PCDHA3: variants seen among roughly 807,000 people sequenced by gnomAD.
PCDHA3 encodes the protein protocadherin alpha-3.
PCDHA3 carries 41 observed loss-of-function variants against 62.2 expected under a neutral mutation model. The observed-to-expected ratio is 0.66, with a 90% CI of 0.51 to 0.86. The LOEUF (loss-of-function observed/expected upper bound fraction) is 0.86, where lower values mean the gene tolerates loss of function less well. Ranked by LOEUF, PCDHA3 falls within the 40% of genes least tolerant of loss-of-function variation. The probability of loss-of-function intolerance (pLI) is 0.00; values close to 1 mark genes in which losing one functional copy is unlikely to be tolerated. For missense variants in PCDHA3, 1,304 were observed against 1,241.2 expected, an observed-to-expected ratio of 1.05 and a Z score of -0.76; for synonymous variants, 640 against 555.4, an observed-to-expected ratio of 1.15 and a Z score of -2.14.
chr5:141,000,361 G>C (rs1253295818), intron 3 of PCDHA3, among the ~76,000 whole-genome samples: 2 of 26,450 alleles, frequency 7.6e-5, no homozygotes, highest in Non-Finnish European at 1.2e-4. Context: ...GTCTCTCTCT[G>C]TCTCTCTCTC....
At chr5:140,898,015 T>C (rs376663063) in intron 1 of PCDHA3, among the ~76,000 whole-genome samples, 3 of 152,154 alleles carry the variant, frequency 2.0e-5, no homozygotes, top group Non-Finnish European at 4.4e-5. Context: ...TCATATCCTT[T>C]GCCCACTTTT....
At chr5:140,828,015 A>G (rs1769489590) in intron 1 of PCDHA3, 1 of 1,509,160 alleles carries the variant, frequency 6.6e-7, no homozygotes, top group African/African-American at 1.4e-5. Flanking sequence ...GAAATGGATT[A>G]ATAAATTCCG....
chr5:140,992,216 C>G (rs1554252754), intron 3 of PCDHA3, among the ~76,000 whole-genome samples: 1 of 152,100 alleles, frequency 6.6e-6, no homozygotes, highest in African/African-American at 2.4e-5. Flanking sequence ...AAACTACTCT[C>G]CCTTCCTGGG....
At chr5:140,897,419 A>G (rs1329501260) in intron 1 of PCDHA3, among the ~76,000 whole-genome samples, 2 of 141,212 alleles carry the variant, frequency 1.4e-5, no homozygotes, top group East Asian at 4.3e-4. Flanking sequence ...ATTCCCATCT[A>G]TGAGTGAGAA....
intron 1 of PCDHA3, chr5:140,862,315 C>G (rs1554156143): frequency 3.2e-6 from 1 of 317,246 alleles, no homozygotes; most frequent in African/African-American, 2.2e-5. Context: ...CCGTCATAGC[C>G]CTAATCAGTG....
rs1219444085 is a variant in PCDHA3 at position 141,010,861 on chromosome 5, A to G, written c.*924A>G. On this transcript the variant is annotated 3_prime_UTR_variant, in exon 4 of 4. Coordinates refer to ENST00000522353, the MANE Select transcript of PCDHA3 (RefSeq NM_018906.3). ...ATTTATTTAAAAAAAGAGAAAGTCTATAGCTATAAATCTTTAAAGAGAAAT... is the reference window on the plus strand; with the variant it reads ...ATTTATTTAAAAAAAGAGAAAGTCTGTAGCTATAAATCTTTAAAGAGAAAT... 9.1e-5 allele frequency: 14 copies of G among 153,794 alleles called. No individual in the cohort carries two copies. Among genetic ancestry groups the G allele is most frequent in the African/African-American group, 3.1e-4 (13 of 41,468 alleles). 9.5% of individuals were successfully genotyped at this position (153,794 alleles called of 1,614,324 possible).
At chr5:140,920,323 T>C (rs1448405138) in intron 1 of PCDHA3, among the ~76,000 whole-genome samples, 3 of 152,212 alleles carry the variant, frequency 2.0e-5, no homozygotes, top group Non-Finnish European at 4.4e-5. Context: ...AAATTATATA[T>C]TTATGGCATT....
intron 1 of PCDHA3, among the ~76,000 whole-genome samples, chr5:140,839,395 GATT>G (rs2150297688): frequency 0.016 from 1,606 of 98,892 alleles, 28 homozygotes; most frequent in Non-Finnish European, 0.019. Context: ...TGATGATGAT[GATT>G]ATTATTTTTG....
At position 140,927,570 on chromosome 5, in the gene PCDHA3, A is replaced by G. The variant is rs568227710; in HGVS notation, c.2395-51379A>G. 5.0e-5 allele frequency: 80 copies of G among 1,614,066 alleles called. 1 individual carries two copies. Among genetic ancestry groups the G allele is most frequent in the Middle Eastern group, 4.9e-4 (3 of 6,084 alleles). On this transcript the variant is annotated intron_variant, in intron 1 of 3. Transcript: ENST00000522353. ...AAGTCACCATCATTGTGGTGGACAC[A>G]AATGACAACGCGCCTGTATTTGAGC...
At chr5:140,917,354 G>T (rs148449289) in intron 1 of PCDHA3, among the ~76,000 whole-genome samples, 7 of 143,854 alleles carry the variant, frequency 4.9e-5, no homozygotes, top group African/African-American at 1.8e-4. Flanking sequence ...GTAGGCTTCT[G>T]TTCCACTATC....
At chr5:140,883,642 C>T (rs200197885) in intron 1 of PCDHA3, 1 of 1,613,904 alleles carries the variant, frequency 6.2e-7, no homozygotes, top group South Asian at 1.1e-5. Context: ...TCGCGCAGCC[C>T]GAGTACACGG....
chr5:140,828,344 T>C (rs1769704236), intron 1 of PCDHA3: 1 of 1,614,208 alleles, frequency 6.2e-7, no homozygotes, highest in East Asian at 2.2e-5. Context: ...TGGCATTTTG[T>C]TTGTGAATTC....
intron 1 of PCDHA3, among the ~76,000 whole-genome samples, chr5:140,855,454 C>T (rs2043476507): frequency 6.7e-6 from 1 of 149,874 alleles, no homozygotes; most frequent in Non-Finnish European, 1.5e-5. Flanking sequence ...GAGTTATAAA[C>T]ACCTCACAGA....
chr5:141,000,387 CTCTCTCTCTATATATA>C (rs1282156924), intron 3 of PCDHA3, among the ~76,000 whole-genome samples: 8 of 66,888 alleles, frequency 1.2e-4, no homozygotes, highest in African/African-American at 4.0e-4. Flanking sequence ...CTCTCTCTCT[CTCTCTCTCTATATATA>C]TATATATATA....
At chr5:140,925,257 C>A (rs1336613869) in intron 1 of PCDHA3, among the ~76,000 whole-genome samples, 2 of 152,110 alleles carry the variant, frequency 1.3e-5, no homozygotes, top group East Asian at 3.8e-4. Context: ...AACTTTAATT[C>A]TTGATCTGTG....
At chr5:140,934,660 C>T (rs139449604) in intron 1 of PCDHA3, among the ~76,000 whole-genome samples, 2 of 152,152 alleles carry the variant, frequency 1.3e-5, no homozygotes, top group African/African-American at 2.4e-5. Flanking sequence ...TGATTCTTCC[C>T]CTTTGTTTAG....
chr5:140,834,339 C>T, intron 1 of PCDHA3: 1 of 1,501,080 alleles, frequency 6.7e-7, no homozygotes, highest in Non-Finnish European at 9.0e-7. Context: ...CCTATAAATT[C>T]GAAGGCAAGT....
intron 3 of PCDHA3, among the ~76,000 whole-genome samples, chr5:141,003,290 G>A (rs1302166316): frequency 1.3e-5 from 2 of 152,176 alleles, no homozygotes; most frequent in Non-Finnish European, 2.9e-5. Flanking sequence ...TTGGATTATA[G>A]GATTACATGA....
At chr5:140,811,157 CA>C (rs1456455973) in intron 1 of PCDHA3, 1 of 152,232 alleles carries the variant, frequency 6.6e-6, no homozygotes, top group Non-Finnish European at 1.5e-5. Flanking sequence ...ATCCCTCCCC[CA>C]GTCCCCCACA....
Sources: gnomAD v4.1 joint callset for allele counts (sites outside exome capture counted in the v4.1 genomes callset) on GRCh38, gnomAD v4.1.1 for gene constraint, MANE v1.5 for transcripts, NCBI Gene and HGNC (gene_info 2026-07-23, HGNC 2026-07-21) for gene names.